DEFB107A: variants seen among roughly 807,000 people sequenced by gnomAD.
The protein encoded by DEFB107A is beta-defensin 107.
In DEFB107A at chr8:7,813,235, A is replaced by T. The variant is rs1361398536; in HGVS notation, c.71-1285T>A. On this transcript the variant is annotated intron_variant, in intron 1 of 1. Transcript: ENST00000335021. ...CTTCCTATTTCTATATGTCCACATG[A>T]ACAAATTTGGAAAAATGAAAAAGGA... Among the ~76,000 whole-genome samples, 3 of 133,148 alleles carry T rather than the reference A, an allele frequency of 2.3e-5. No homozygotes were observed. In the Admixed American group the frequency reaches 2.5e-4, roughly 11 times the overall value. The allele number at this position is 133,148 out of a possible 152,430, so 87.4% of individuals were successfully genotyped here.
chr8:7,815,247 C>CAAAAA (rs1160791841), intron 1 of DEFB107A, among the ~76,000 whole-genome samples: 4 of 7,070 alleles, frequency 5.7e-4, no homozygotes, highest in Non-Finnish European at 5.7e-4. Flanking sequence ...GACTCCGTCT[C>CAAAAA]AAAAAAAAAA....
At chr8:7,812,232 TG>T (rs1487414871) in intron 1 of DEFB107A, among the ~76,000 whole-genome samples, 3 of 47,408 alleles carry the variant, frequency 6.3e-5, no homozygotes, top group African/African-American at 1.5e-4. Context: ...AGAAACAGAA[TG>T]TTTCTTCCAA....
chr8:7,813,369 T>C (rs1292693084), intron 1 of DEFB107A, among the ~76,000 whole-genome samples: 5 of 147,074 alleles, frequency 3.4e-5, no homozygotes, highest in African/African-American at 5.0e-5. Context: ...CTGTTTAGGA[T>C]GGCAGGGTTG....
intron 1 of DEFB107A, among the ~76,000 whole-genome samples, chr8:7,813,468 A>G (rs1817135372): frequency 6.6e-6 from 1 of 150,634 alleles, no homozygotes. Context: ...CTTTTACATG[A>G]AAGAGAAATA....
chr8:7,814,795 C>A, intron 1 of DEFB107A, among the ~76,000 whole-genome samples: 1 of 34,234 alleles, frequency 2.9e-5, no homozygotes, highest in Non-Finnish European at 4.9e-5. Context: ...ACGACTCAGA[C>A]ATGAAAAAAA....
intron 1 of DEFB107A, among the ~76,000 whole-genome samples, chr8:7,813,767 A>C (rs1817148488): frequency 6.6e-6 from 1 of 151,888 alleles, no homozygotes; most frequent in Admixed American, 6.6e-5. Flanking sequence ...GGTGGTTCTA[A>C]TTTGTGCCCA....
intron 1 of DEFB107A, among the ~76,000 whole-genome samples, chr8:7,813,352 T>C (rs1164554422): frequency 1.4e-4 from 21 of 146,128 alleles, no homozygotes; most frequent in South Asian, 2.4e-4. Context: ...CCAAATAAAA[T>C]GGTCAACTGT....
At chr8:7,812,829 A>G (rs1337504933) in intron 1 of DEFB107A, among the ~76,000 whole-genome samples, 2 of 131,782 alleles carry the variant, frequency 1.5e-5, no homozygotes, top group African/African-American at 5.1e-5. Context: ...ATTAAGGAGA[A>G]ATTTTTGAAT....
intron 1 of DEFB107A, among the ~76,000 whole-genome samples, chr8:7,812,767 T>C: frequency 7.4e-6 from 1 of 135,124 alleles, no homozygotes; most frequent in South Asian, 2.8e-4. Flanking sequence ...TAGTGCCAAG[T>C]TAAGGCAAAG....
At chr8:7,813,749 G>A (rs1331574590) in intron 1 of DEFB107A, among the ~76,000 whole-genome samples, 2 of 151,944 alleles carry the variant, frequency 1.3e-5, no homozygotes, top group Non-Finnish European at 1.5e-5. Flanking sequence ...TGTGATTATG[G>A]TGATGGTGGT....
intron 1 of DEFB107A, among the ~76,000 whole-genome samples, chr8:7,813,092 A>G (rs1161343568): frequency 3.7e-5 from 5 of 134,970 alleles, no homozygotes; most frequent in African/African-American, 1.3e-4. Flanking sequence ...TCAAGCAGTT[A>G]TACAGAGAGA....
chr8:7,813,454 T>G (rs1459912865), intron 1 of DEFB107A, among the ~76,000 whole-genome samples: 1 of 150,278 alleles, frequency 6.7e-6, no homozygotes, highest in African/African-American at 2.4e-5. Flanking sequence ...TAGCTATTTT[T>G]GGACTTTTAC....
At chr8:7,813,285 T>C (rs1817130403) in intron 1 of DEFB107A, among the ~76,000 whole-genome samples, 1 of 142,078 alleles carries the variant, frequency 7.0e-6, no homozygotes, top group Non-Finnish European at 1.5e-5. Context: ...GCTGCTTCTA[T>C]GTAATCTTAA....
chr8:7,813,921 A>G (rs917712052), intron 1 of DEFB107A, among the ~76,000 whole-genome samples: 1 of 146,332 alleles, frequency 6.8e-6, no homozygotes, highest in East Asian at 2.0e-4. Context: ...AAATGAGTTT[A>G]TCTATTCTGG....
intron 1 of DEFB107A, among the ~76,000 whole-genome samples, chr8:7,812,555 A>T: frequency 7.4e-6 from 1 of 134,230 alleles, no homozygotes; most frequent in Non-Finnish European, 1.7e-5. Flanking sequence ...CATAACAGAG[A>T]TTAGGTTGAA....
intron 1 of DEFB107A, among the ~76,000 whole-genome samples, chr8:7,813,620 G>T (rs1414543517): frequency 6.6e-6 from 1 of 151,968 alleles, no homozygotes; most frequent in Non-Finnish European, 1.5e-5. Context: ...AAAACACAGG[G>T]TGCATACAGC....
chr8:7,812,934 T>C (rs55840744), intron 1 of DEFB107A, among the ~76,000 whole-genome samples: 28 of 145,338 alleles, frequency 1.9e-4, no homozygotes, highest in East Asian at 4.1e-4. Flanking sequence ...CGCACACACA[T>C]ACACACACAC....
chr8:7,815,215 T>A (rs1383779009), intron 1 of DEFB107A, among the ~76,000 whole-genome samples: 1 of 71,980 alleles, frequency 1.4e-5, no homozygotes, highest in Non-Finnish European at 2.9e-5. Context: ...ACCACTGCAC[T>A]CCAGCCTGGG....
chr8:7,815,247 CAAAAAAAAAAAAA>C (rs1160791841), intron 1 of DEFB107A, among the ~76,000 whole-genome samples: 2 of 7,056 alleles, frequency 2.8e-4, no homozygotes, highest in Non-Finnish European at 1.1e-3. Context: ...GACTCCGTCT[CAAAAAAAAAAAAA>C]AAAAAAAAAA....
Sources: allele counts gnomAD v4.1 joint callset (sites outside exome capture counted in the v4.1 genomes callset), GRCh38; gene constraint gnomAD v4.1.1; transcripts MANE v1.5; gene names NCBI Gene and HGNC (gene_info 2026-07-23, HGNC 2026-07-21).